PRUNE2: variants seen among roughly 807,000 people sequenced by gnomAD.
PRUNE2 encodes prune homolog 2 with BCH domain.
A neutral mutation model predicts 252.0 loss-of-function variants in PRUNE2; 164 were observed. The ratio of observed to expected loss-of-function variants is 0.65; its 90% CI spans 0.57 to 0.74. The LOEUF is 0.74. Among genes scored for constraint, PRUNE2 ranks in the 30% least tolerant of loss-of-function variants. The pLI is 0.00. For synonymous variants in PRUNE2, 1,292 were observed against 1,350.2 expected (o/e 0.96, Z 0.94); for missense variants, 3,495 against 3,711.0 (o/e 0.94, Z 1.51).
chr9:76,773,010 C>G (rs556810750), intron 6 of PRUNE2, among the ~76,000 whole-genome samples: 2 of 152,286 alleles, frequency 1.3e-5, no homozygotes, highest in South Asian at 2.1e-4. Flanking sequence ...ACCTTGCCAC[C>G]TGGGAAAAGG....
intron 6 of PRUNE2, among the ~76,000 whole-genome samples, chr9:76,766,156 C>CT (rs1175955144): frequency 6.7e-6 from 1 of 148,362 alleles, no homozygotes; most frequent in African/African-American, 2.5e-5. Context: ...GCACTCTAGC[C>CT]TGGGTGACAG....
At chr9:76,670,700 G>A (rs940693765) in intron 9 of PRUNE2, among the ~76,000 whole-genome samples, 49 of 152,090 alleles carry the variant, frequency 3.2e-4, no homozygotes, top group African/African-American at 1.1e-3. Context: ...CGCAGCTGGA[G>A]ATCTGAGAAC....
Position 76,713,612 on chromosome 9 carries a change from G to T in PRUNE2, c.866C>A (p.Pro289Gln), listed in dbSNP as rs370383759. The T allele has an allele frequency of 1.1e-5, 18 of 1,606,578 alleles. No individual in the cohort carries two copies. In the East Asian group the frequency reaches 4.0e-4, roughly 36 times the overall value. The change falls in exon 7 of 19, where the codon CCG becomes CAG. Residue 289 changes from proline to glutamine, a missense_variant. Physicochemically the swap from Pro to Gln is moderately conservative, Grantham distance 76. Transcript: ENST00000376718. ...FSSYLSEEQQ[P>Q]RRQIAVYSEN... ...TGAGTACACAGCAATCTGTCGTCTCGGCTGCTGCTCCTCTGACAGATAGCT... is the reference window on the plus strand; with the variant it reads ...TGAGTACACAGCAATCTGTCGTCTCTGCTGCTGCTCCTCTGACAGATAGCT...
At chr9:76,836,284 C>G (rs996469036) in intron 4 of PRUNE2, among the ~76,000 whole-genome samples, 1 of 150,604 alleles carries the variant, frequency 6.6e-6, no homozygotes, top group African/African-American at 2.5e-5. Context: ...CAGGGCATAA[C>G]TAAGCACCAA....
intron 9 of PRUNE2, among the ~76,000 whole-genome samples, chr9:76,702,690 T>C (rs1009814664): frequency 2.0e-5 from 3 of 152,222 alleles, no homozygotes; most frequent in Admixed American, 1.3e-4. Context: ...TGTGTTACAC[T>C]GAGATTTGGA....
chr9:76,785,068 A>G (rs926570411), intron 6 of PRUNE2: 1 of 152,072 alleles, frequency 6.6e-6, no homozygotes, highest in Admixed American at 6.6e-5. Context: ...TTAGCCTTGT[A>G]CTGAGGCTGT....
chr9:76,717,682 C>CT (rs929976454), intron 6 of PRUNE2, among the ~76,000 whole-genome samples: 9 of 152,018 alleles, frequency 5.9e-5, no homozygotes, highest in African/African-American at 1.7e-4. Context: ...TACCACCCCC[C>CT]CCACCAGCCA....
intron 18 of PRUNE2, among the ~76,000 whole-genome samples, chr9:76,617,346 C>A (rs1253698589): frequency 6.6e-6 from 1 of 152,130 alleles, no homozygotes; most frequent in Non-Finnish European, 1.5e-5. Context: ...AGAACCCTTG[C>A]CCATTTTGCA....
intron 9 of PRUNE2, among the ~76,000 whole-genome samples, chr9:76,664,915 T>C (rs2133738955): frequency 6.6e-6 from 1 of 152,332 alleles, no homozygotes; most frequent in South Asian, 2.1e-4. Flanking sequence ...TGGCATTCAC[T>C]CTTACTTTCT....
intron 6 of PRUNE2, among the ~76,000 whole-genome samples, chr9:76,727,999 AG>A (rs1465608491): frequency 1.3e-5 from 2 of 151,938 alleles, no homozygotes; most frequent in African/African-American, 4.8e-5. Flanking sequence ...TACAGGTGTG[AG>A]CCCCCCGACG....
intron 6 of PRUNE2, among the ~76,000 whole-genome samples, chr9:76,715,124 C>G (rs953335323): frequency 6.6e-6 from 1 of 152,216 alleles, no homozygotes; most frequent in African/African-American, 2.4e-5. Context: ...GGAAGTGCCA[C>G]ACACATCTCC....
chr9:76,742,610 C>T (rs554819946), intron 6 of PRUNE2, among the ~76,000 whole-genome samples: 34 of 150,092 alleles, frequency 2.3e-4, no homozygotes, highest in Non-Finnish European at 4.0e-4. Context: ...AAGGTGAAAC[C>T]TATCTCAAAA....
chr9:76,698,033 A>C (rs1475683854), intron 9 of PRUNE2, among the ~76,000 whole-genome samples: 1 of 147,922 alleles, frequency 6.8e-6, no homozygotes, highest in Non-Finnish European at 1.5e-5. Flanking sequence ...GTCCTGAATT[A>C]AACTGCAAAT....
At chr9:76,692,226 T>A (rs1332796879) in intron 9 of PRUNE2, 1 of 708,482 alleles carries the variant, frequency 1.4e-6, no homozygotes, top group Non-Finnish European at 2.6e-6. Flanking sequence ...ATAAGGATGA[T>A]CACCTGCCTC....
At chr9:76,779,603 T>C (rs1298307774) in intron 6 of PRUNE2, 1 of 152,198 alleles carries the variant, frequency 6.6e-6, no homozygotes, top group African/African-American at 2.4e-5. Context: ...TTTATTCAAC[T>C]AAATAGGTAA....
At chr9:76,693,481 T>C (rs2045031699) in intron 9 of PRUNE2, among the ~76,000 whole-genome samples, 1 of 141,168 alleles carries the variant, frequency 7.1e-6, no homozygotes, top group African/African-American at 2.7e-5. Context: ...TCTTGCACCA[T>C]TGCCCAGGCT....
At chr9:76,718,977 C>G (rs1375177555) in intron 6 of PRUNE2, among the ~76,000 whole-genome samples, 1 of 152,222 alleles carries the variant, frequency 6.6e-6, no homozygotes, top group Non-Finnish European at 1.5e-5. Context: ...TATCTGTAGT[C>G]TAAACACGTC....
rs147269092 is a variant in PRUNE2 at position 76,617,957 on chromosome 9, G to A, written c.9236+1383C>T. On this transcript the variant is annotated intron_variant, in intron 18 of 18. Coordinates refer to ENST00000376718, the MANE Select transcript of PRUNE2 (RefSeq NM_015225.3). ...AGAAATAGTTGCAAAAAGAATTATC[G>A]TGCACTGGGGAATTGAGGTATTATT... Among the ~76,000 whole-genome samples the A allele has an allele frequency of 5.4e-3, 816 of 152,248 alleles. 8 individuals are homozygous for A. The highest frequency in any genetic ancestry group is 0.019 in the African/African-American group (784 of 41,522).
intron 15 of PRUNE2, among the ~76,000 whole-genome samples, chr9:76,631,069 C>G (rs1338171973): frequency 6.6e-6 from 1 of 152,208 alleles, no homozygotes; most frequent in Non-Finnish European, 1.5e-5. Flanking sequence ...GGGCCCAAGA[C>G]ACTTGTGAAC....
Sources: allele counts gnomAD v4.1 joint callset (sites outside exome capture counted in the v4.1 genomes callset), GRCh38; gene constraint gnomAD v4.1.1; transcripts MANE v1.5; gene names NCBI Gene and HGNC (gene_info 2026-07-23, HGNC 2026-07-21).